HIVEP3: variants seen among roughly 807,000 people sequenced by gnomAD.
HIVEP3 encodes the protein HIVEP zinc finger 3, also known as transcription factor HIVEP3.
A neutral mutation model predicts 152.8 loss-of-function variants in HIVEP3; 49 were observed. The observed-to-expected ratio is 0.32, with a 90% confidence interval of 0.26 to 0.41. The LOEUF (loss-of-function observed/expected upper bound fraction) is 0.41. Ranked by LOEUF, HIVEP3 falls within the 10% of genes least tolerant of loss-of-function variation. The pLI is 1.00. For synonymous variants in HIVEP3, 1,269 were observed against 1,289.0 expected, an observed-to-expected ratio of 0.98 and a Z score of 0.33; for missense variants, 2,790 against 3,103.3, an observed-to-expected ratio of 0.90 and a Z score of 2.40.
At chr1:41,656,116 T>A (rs1645625398) in intron 2 of HIVEP3, among the ~76,000 whole-genome samples, 1 of 152,204 alleles carries the variant, frequency 6.6e-6, no homozygotes, top group Non-Finnish European at 1.5e-5. Flanking sequence ...GCTCTGCCAA[T>A]TAGAAACCAC....
intron 1 of HIVEP3, among the ~76,000 whole-genome samples, chr1:41,801,275 C>T (rs1052984352): frequency 2.6e-5 from 4 of 152,130 alleles, no homozygotes; most frequent in African/African-American, 9.7e-5. Flanking sequence ...CATCCCCCTC[C>T]CTTGCCCCAG....
intron 2 of HIVEP3, among the ~76,000 whole-genome samples, chr1:41,635,541 T>C (rs548752396): frequency 2.1e-5 from 1 of 48,264 alleles, no homozygotes; most frequent in Non-Finnish European, 3.9e-5. Flanking sequence ...TGCACGTATA[T>C]GTATGTATAT....
chr1:41,641,536 T>G (rs1645372770), intron 2 of HIVEP3, among the ~76,000 whole-genome samples: 4 of 152,256 alleles, frequency 2.6e-5, no homozygotes, highest in Admixed American at 1.3e-4. Context: ...AGGGCCCACT[T>G]GGTCTGCTGT....
At chr1:41,546,979 A>T (rs367611325) in intron 5 of HIVEP3, among the ~76,000 whole-genome samples, 1 of 152,232 alleles carries the variant, frequency 6.6e-6, no homozygotes, top group East Asian at 1.9e-4. Flanking sequence ...CTGACTGCAG[A>T]TCTACGCAGT....
At chr1:41,585,588 G>A (rs1344897969) in intron 3 of HIVEP3, among the ~76,000 whole-genome samples, 1 of 152,218 alleles carries the variant, frequency 6.6e-6, no homozygotes, top group South Asian at 2.1e-4. Flanking sequence ...GTGGGATGCT[G>A]AGAACAGAAG....
chr1:41,611,158 A>T (rs1052862091), intron 3 of HIVEP3, among the ~76,000 whole-genome samples: 2 of 152,212 alleles, frequency 1.3e-5, no homozygotes, highest in Non-Finnish European at 2.9e-5. Context: ...TTGTCCAGGG[A>T]ATTATGAGCA....
rs546524527 is a variant in HIVEP3 at position 41,743,288 on chromosome 1, T to C, written c.-800-42293A>G. Among the ~76,000 whole-genome samples, 48 of 152,272 alleles carry C rather than the reference T, an allele frequency of 3.2e-4. 1 individual carries two copies. Among genetic ancestry groups the C allele is most frequent in the African/African-American group, 1.1e-3 (47 of 41,544 alleles). On this transcript the variant is annotated intron_variant, in intron 1 of 8. Transcript: ENST00000372583. Reference sequence around the variant, plus strand: ...CTGTGAAAAGGGCCTCAGCAGGGCCTGGTACAAGGTAGACACCCACCAACT... The same window carrying C: ...CTGTGAAAAGGGCCTCAGCAGGGCCCGGTACAAGGTAGACACCCACCAACT...
intron 5 of HIVEP3, among the ~76,000 whole-genome samples, chr1:41,561,487 G>A (rs1412098398): frequency 6.6e-6 from 1 of 151,554 alleles, no homozygotes; most frequent in Non-Finnish European, 1.5e-5. Flanking sequence ...CCCATTCTCA[G>A]ACACTCCATC....
At chr1:41,556,346 G>A (rs1643966514) in intron 5 of HIVEP3, among the ~76,000 whole-genome samples, 1 of 152,188 alleles carries the variant, frequency 6.6e-6, no homozygotes. Context: ...GTATCTCATT[G>A]TAGTTTGGAC....
chr1:41,724,720 C>A (rs1238881794), intron 1 of HIVEP3, among the ~76,000 whole-genome samples: 1 of 152,222 alleles, frequency 6.6e-6, no homozygotes, highest in Non-Finnish European at 1.5e-5. Flanking sequence ...CCCTCCCCAG[C>A]CATCACACAC....
intron 1 of HIVEP3, among the ~76,000 whole-genome samples, chr1:41,729,825 C>G (rs2124184001): frequency 6.6e-6 from 1 of 152,260 alleles, no homozygotes; most frequent in South Asian, 2.1e-4. Flanking sequence ...GGTGCTGGAG[C>G]CGGGAAGAGG....
At chr1:41,824,780 TATATAG>T (rs1337090988) in intron 1 of HIVEP3, among the ~76,000 whole-genome samples, 16 of 13,592 alleles carry the variant, frequency 1.2e-3, no homozygotes, top group African/African-American at 4.0e-3. Context: ...TATATATATA[TATATAG>T]AGAGAGAGAG....
chr1:42,019,260 T>C (rs1645540579), intron 1 of HIVEP3, among the ~76,000 whole-genome samples: 1 of 152,026 alleles, frequency 6.6e-6, no homozygotes, highest in African/African-American at 2.4e-5. Flanking sequence ...TATATTCAGT[T>C]TGTTGATATC....
intron 1 of HIVEP3, among the ~76,000 whole-genome samples, chr1:41,820,280 G>A (rs912970254): frequency 6.6e-6 from 1 of 152,170 alleles, no homozygotes; most frequent in Non-Finnish European, 1.5e-5. Context: ...GTACAAACAA[G>A]GTCAGAATTG....
intron 2 of HIVEP3, among the ~76,000 whole-genome samples, chr1:41,637,279 G>A (rs1645289375): frequency 6.6e-6 from 1 of 152,210 alleles, no homozygotes. Context: ...GGTTTAATAA[G>A]TAAATGATGA....
chr1:41,972,382 G>A (rs982248253), intron 1 of HIVEP3, among the ~76,000 whole-genome samples: 3 of 152,200 alleles, frequency 2.0e-5, no homozygotes, highest in African/African-American at 7.2e-5. Context: ...GGCCTATAGT[G>A]ATACAGCACA....
intron 8 of HIVEP3, among the ~76,000 whole-genome samples, chr1:41,512,489 C>T (rs1439124593): frequency 6.6e-6 from 1 of 152,218 alleles, no homozygotes; most frequent in Non-Finnish European, 1.5e-5. Context: ...TATTCAACCT[C>T]TTTTCATTAT....
intron 1 of HIVEP3, among the ~76,000 whole-genome samples, chr1:41,885,483 T>C (rs1158413777): frequency 1.3e-5 from 2 of 152,182 alleles, no homozygotes; most frequent in South Asian, 2.1e-4. Flanking sequence ...CTGGCCAACA[T>C]GGGGAAACCC....
rs9943171 is a variant in HIVEP3 at position 41,580,070 on chromosome 1, C to T, written c.4728G>A (p.Thr1576=). ...APPSSLPLSE[T]SSRPAKSQEG... The stretch of plus-strand genomic sequence containing the variant: ...CTTGTGACTTGGCTGGTCTGGAGGA[C>T]GTTTCTGACAGAGGCAGAGAGCTCG... The change falls in exon 4 of 9, where the codon ACG becomes ACA. Residue 1576 remains threonine (T), a synonymous_variant. Coordinates refer to ENST00000372583, the MANE Select transcript of HIVEP3 (RefSeq NM_024503.5). 3,437 of 1,614,158 alleles carry T rather than the reference C, an allele frequency of 2.1e-3. 65 individuals are homozygous for T. In the African/African-American group the frequency reaches 0.04, roughly 19 times the overall value.
Sources: allele counts gnomAD v4.1 joint callset (sites outside exome capture counted in the v4.1 genomes callset), GRCh38; gene constraint gnomAD v4.1.1; transcripts MANE v1.5; gene names NCBI Gene and HGNC (gene_info 2026-07-23, HGNC 2026-07-21).